The following NRG3 variants were observed in gnomAD, a reference collection of about 807,000 sequenced individuals.
NRG3 encodes the protein neuregulin 3.
NRG3 carries 31 observed loss-of-function variants against 66.9 expected under a neutral mutation model. The ratio of observed to expected loss-of-function variants is 0.46; its 90% CI spans 0.35 to 0.63. The LOEUF is 0.63. Ranked by LOEUF, NRG3 falls within the 20% of genes least tolerant of loss-of-function variation. The pLI, the probability that NRG3 is intolerant of heterozygous loss-of-function variation, is 0.00. For missense variants in NRG3, 910 were observed against 878.9 expected (o/e 1.04, Z -0.45); for synonymous variants, 393 against 359.4 (o/e 1.09, Z -1.06).
intron 1 of NRG3, among the ~76,000 whole-genome samples, chr10:82,342,788 AT>A (rs1028237515): frequency 6.6e-6 from 1 of 151,402 alleles, no homozygotes; most frequent in African/African-American, 2.4e-5. Context: ...TCACTTATAT[AT>A]TTTTGTTTTT....
chr10:82,133,853 A>G (rs1415861369), intron 1 of NRG3, among the ~76,000 whole-genome samples: 2 of 152,146 alleles, frequency 1.3e-5, no homozygotes, highest in East Asian at 1.9e-4. Flanking sequence ...GCCTTCCACA[A>G]TGGTTGAATT....
At chr10:81,925,198 A>G (rs1300804704) in intron 1 of NRG3, among the ~76,000 whole-genome samples, 1 of 152,210 alleles carries the variant, frequency 6.6e-6, no homozygotes, top group Non-Finnish European at 1.5e-5. Context: ...GTAAAAGCCT[A>G]TCTTGACAAG....
intron 2 of NRG3, among the ~76,000 whole-genome samples, chr10:82,548,382 G>T (rs1260693468): frequency 6.6e-6 from 1 of 151,850 alleles, no homozygotes; most frequent in African/African-American, 2.4e-5. Context: ...GTTGTCTTCT[G>T]GTTCAATGGC....
At chr10:82,244,846 G>C (rs1289426640) in intron 1 of NRG3, among the ~76,000 whole-genome samples, 1 of 152,042 alleles carries the variant, frequency 6.6e-6, no homozygotes, top group Non-Finnish European at 1.5e-5. Flanking sequence ...CAATTCTCCT[G>C]CTTCAGCCAC....
At chr10:82,615,066 G>A (rs927829452) in intron 2 of NRG3, among the ~76,000 whole-genome samples, 5 of 152,120 alleles carry the variant, frequency 3.3e-5, no homozygotes, top group African/African-American at 1.2e-4. Context: ...TTAGACACCT[G>A]TGAGTCCAGA....
In NRG3 at chr10:82,853,656, C is replaced by T. The variant is rs182749641; in HGVS notation, c.1028-11755C>T. Among the ~76,000 whole-genome samples the T allele has an allele frequency of 1.5e-4, 23 of 152,168 alleles. No homozygotes were observed. In the East Asian group the frequency reaches 2.7e-3, roughly 18 times the overall value. ...GATTTGTGTACATTAATTTTGTATC[C>T]TGAAACTTTGCTAGATTCATTTATC... On this transcript the variant is annotated intron_variant, in intron 3 of 8. Transcript: ENST00000372141.
intron 2 of NRG3, among the ~76,000 whole-genome samples, chr10:82,472,039 TA>T (rs1554936060): frequency 6.6e-6 from 1 of 151,990 alleles, no homozygotes; most frequent in Non-Finnish European, 1.5e-5. Flanking sequence ...ATGGTGGAGA[TA>T]AATCATACTT....
At chr10:82,875,945 G>A (rs753649379) in intron 4 of NRG3, among the ~76,000 whole-genome samples, 4 of 152,234 alleles carry the variant, frequency 2.6e-5, no homozygotes, top group African/African-American at 9.6e-5. Flanking sequence ...GATAATTTTC[G>A]GGTGAGATTA....
intron 2 of NRG3, among the ~76,000 whole-genome samples, chr10:82,605,874 T>G (rs1444634456): frequency 2.0e-5 from 3 of 152,084 alleles, no homozygotes; most frequent in African/African-American, 7.2e-5. Context: ...ATTATCTTTC[T>G]AATATACATG....
chr10:81,911,312 G>A (rs1438615409), intron 1 of NRG3, among the ~76,000 whole-genome samples: 1 of 152,118 alleles, frequency 6.6e-6, no homozygotes. Context: ...CTACTACATA[G>A]TGAAAGCCTG....
intron 1 of NRG3, among the ~76,000 whole-genome samples, chr10:81,907,868 A>G (rs1844743114): frequency 6.6e-6 from 1 of 152,284 alleles, no homozygotes; most frequent in South Asian, 2.1e-4. Flanking sequence ...TTTCATTTTG[A>G]TATTAGAGAT....
chr10:82,072,332 G>A (rs1427476412), intron 1 of NRG3, among the ~76,000 whole-genome samples: 1 of 152,176 alleles, frequency 6.6e-6, no homozygotes, highest in Non-Finnish European at 1.5e-5. Flanking sequence ...TGCTTGTTCA[G>A]CATCTTTCTT....
intron 4 of NRG3, among the ~76,000 whole-genome samples, chr10:82,869,077 G>C (rs1306832661): frequency 1.3e-5 from 2 of 152,140 alleles, no homozygotes; most frequent in Non-Finnish European, 2.9e-5. Flanking sequence ...GACATCTCTA[G>C]GTATGAATTC....
chr10:82,630,859 T>G (rs537767945), intron 2 of NRG3, among the ~76,000 whole-genome samples: 1 of 152,300 alleles, frequency 6.6e-6, no homozygotes, highest in East Asian at 1.9e-4. Context: ...GACAACAAGG[T>G]TTGCTTTCAT....
intron 2 of NRG3, among the ~76,000 whole-genome samples, chr10:82,476,372 T>C (rs982196107): frequency 1.3e-5 from 2 of 152,136 alleles, no homozygotes; most frequent in African/African-American, 4.8e-5. Context: ...TCGAAATAAT[T>C]GAAAGCAGGG....
intron 1 of NRG3, among the ~76,000 whole-genome samples, chr10:82,357,705 C>CCAAAGG: frequency 6.6e-6 from 1 of 152,078 alleles, no homozygotes; most frequent in African/African-American, 2.4e-5. Flanking sequence ...TGATTACCTC[C>CCAAAGG]CAAAGGGCCC....
intron 2 of NRG3, among the ~76,000 whole-genome samples, chr10:82,589,200 A>G (rs1197079509): frequency 6.6e-6 from 1 of 152,154 alleles, no homozygotes; most frequent in African/African-American, 2.4e-5. Context: ...TGGATGCATT[A>G]CCAAAATGTA....
intron 1 of NRG3, among the ~76,000 whole-genome samples, chr10:82,306,703 TAAAAAAAAAAA>T (rs71009805): frequency 1.4e-4 from 5 of 35,906 alleles, no homozygotes; most frequent in Admixed American, 4.9e-4. Context: ...GACTCCGTCT[TAAAAAAAAAAA>T]AAAAAAAAAA....
chr10:82,914,377 A>G (rs1845633157), intron 4 of NRG3, among the ~76,000 whole-genome samples: 1 of 152,068 alleles, frequency 6.6e-6, no homozygotes. Context: ...AAAGCTAGAC[A>G]TGACATATTA....
Sources: gnomAD v4.1 joint callset for allele counts (sites outside exome capture counted in the v4.1 genomes callset) on GRCh38, gnomAD v4.1.1 for gene constraint, MANE v1.5 for transcripts, NCBI Gene and HGNC (gene_info 2026-07-23, HGNC 2026-07-21) for gene names.